Variants in ZDHHC7 observed in about 807,000 individuals in gnomAD.
ZDHHC7 encodes palmitoyltransferase ZDHHC7.
Under a neutral mutation model 34.1 loss-of-function variants are expected in ZDHHC7, and 12 were observed. The observed-to-expected ratio is 0.35, with a 90% CI of 0.23 to 0.57. The LOEUF is 0.57. ZDHHC7 is among the 20% of genes least tolerant of loss of function. The pLI, the probability that ZDHHC7 is intolerant of heterozygous loss-of-function variation, is 0.84. For missense variants in ZDHHC7, 388 were observed against 402.7 expected, an observed-to-expected ratio of 0.96 and a Z score of 0.31; for synonymous variants, 185 against 155.4, an observed-to-expected ratio of 1.19 and a Z score of -1.42.
chr16:85,023,547 A>C, the ZDHHC7 span, among the ~76,000 whole-genome samples: 1 of 152,240 alleles, frequency 6.6e-6, no homozygotes, highest in South Asian at 2.1e-4. Flanking sequence ...AAACACACAC[A>C]GAACTGGTGC....
the ZDHHC7 span, among the ~76,000 whole-genome samples, chr16:85,016,839 C>A: frequency 2.0e-5 from 3 of 152,084 alleles, no homozygotes; most frequent in Non-Finnish European, 4.4e-5. Flanking sequence ...TGTTTCTCAA[C>A]GGAAGTGATA....
rs920996324 is a variant in ZDHHC7, at chr16:84,980,480, G to A, written c.441-1195C>T. Among the ~76,000 whole-genome samples, 9 of 151,932 alleles carry A rather than the reference G, an allele frequency of 5.9e-5. No individual in the cohort carries two copies. In the South Asian group the frequency reaches 8.3e-4, roughly 14 times the overall value. ...AAGTCAGGAGTTCGAGACCAGCCTG[G>A]CCAATGTGGCAAAACCCCGTCTCTA... is the stretch of plus-strand genomic sequence containing the variant. On this transcript the variant is annotated intron_variant, in intron 4 of 7. Transcript: ENST00000313732.
chr16:85,002,015 A>G (rs116927982), intron 1 of ZDHHC7, among the ~76,000 whole-genome samples: 1,747 of 152,278 alleles, frequency 0.011, 25 homozygotes, highest in Non-Finnish European at 0.015. Flanking sequence ...TCATGGGGAC[A>G]GGTGGGCTCA....
upstream of ZDHHC7, among the ~76,000 whole-genome samples, chr16:85,013,039 C>G (rs74033907): frequency 4.8e-3 from 725 of 152,208 alleles, 9 homozygotes; most frequent in African/African-American, 0.016. Context: ...CCCTTTTCTG[C>G]CTAAAGGGCA....
At chr16:85,016,146 G>C (rs1191034944), upstream of ZDHHC7, among the ~76,000 whole-genome samples, 1 of 151,846 alleles carries the variant, frequency 6.6e-6, no homozygotes, top group African/African-American at 2.4e-5. Context: ...AGTTGGTTGG[G>C]GGGCTTAGAA....
chr16:84,989,163 G>A (rs2072475825), intron 3 of ZDHHC7, among the ~76,000 whole-genome samples: 1 of 152,204 alleles, frequency 6.6e-6, no homozygotes, highest in African/African-American at 2.4e-5. Flanking sequence ...AGGCTACAAA[G>A]CCACTGGCAG....
At chr16:85,019,440 G>A in the ZDHHC7 span, among the ~76,000 whole-genome samples, 2 of 152,146 alleles carry the variant, frequency 1.3e-5, no homozygotes, top group Non-Finnish European at 2.9e-5. Context: ...CATCTGGCCA[G>A]GTACGGTGGC....
In ZDHHC7 at chr16:84,979,056, T is replaced by C. The variant is rs1002422835; in HGVS notation, c.537+133A>G. On this transcript the variant is annotated intron_variant, in intron 5 of 7. Transcript: ENST00000313732. ...ACTTCCTGCCAATGACAGCACAGTATTATAATTTGAATCCTGGAGAAAAGG... is the reference window on the plus strand; with the variant it reads ...ACTTCCTGCCAATGACAGCACAGTACTATAATTTGAATCCTGGAGAAAAGG... 6 of 823,652 alleles carry C rather than the reference T, an allele frequency of 7.3e-6. No homozygotes were observed. The African/African-American group carries it at 1.0e-4, about 14-fold the overall frequency. The allele number at this position is 823,652 out of a possible 1,614,324, so 51.0% of individuals were successfully genotyped here. A position where few individuals can be genotyped will look rare whatever the true frequency, so the allele number is the denominator to read the frequency against.
the ZDHHC7 span, among the ~76,000 whole-genome samples, chr16:85,024,226 TTTTG>T: frequency 7.1e-6 from 1 of 140,986 alleles, no homozygotes; most frequent in Non-Finnish European, 1.5e-5. Context: ...TCTCAGAGTT[TTTTG>T]TTTTTTTTTT....
the ZDHHC7 span, among the ~76,000 whole-genome samples, chr16:85,017,426 G>T: frequency 6.6e-6 from 1 of 152,094 alleles, no homozygotes; most frequent in African/African-American, 2.4e-5. Context: ...TTGTTTAACT[G>T]CCCTGGACAA....
intron 2 of ZDHHC7, 44 bp from the exon 3 acceptor site, chr16:84,990,679 C>G: frequency 2.6e-6 from 4 of 1,511,614 alleles, no homozygotes; most frequent in Non-Finnish European, 3.6e-6. Flanking sequence ...TCAAAAAGCT[C>G]ACAAGCTACC....
the ZDHHC7 span, among the ~76,000 whole-genome samples, chr16:85,019,214 G>C: frequency 6.6e-6 from 1 of 152,130 alleles, no homozygotes; most frequent in Non-Finnish European, 1.5e-5. Flanking sequence ...TCCCTTCCCT[G>C]GTTTACTCCT....
chr16:84,979,337 G>A (rs1459165020), intron 4 of ZDHHC7, 52 bp from the exon 5 acceptor site: 4 of 1,573,414 alleles, frequency 2.5e-6, no homozygotes, highest in Non-Finnish European at 3.4e-6. Context: ...GGAAACCAGA[G>A]TAACACAACC....
chr16:85,000,556 C>G (rs1190297115), intron 1 of ZDHHC7, among the ~76,000 whole-genome samples: 1 of 152,180 alleles, frequency 6.6e-6, no homozygotes, highest in Non-Finnish European at 1.5e-5. Flanking sequence ...ACCCTAGAGT[C>G]TGGTATCCAT....
Position 84,985,870 on chromosome 16 carries a change from G to A in ZDHHC7, c.316-3876C>T, listed in dbSNP as rs1048127360. Among the ~76,000 whole-genome samples the A allele has an allele frequency of 4.8e-5, 7 of 144,720 alleles. No individual in the cohort carries two copies. In the East Asian group the frequency reaches 8.2e-4, roughly 17 times the overall value. 94.9% of individuals were successfully genotyped at this position (144,720 alleles called of 152,430 possible). A position where few individuals can be genotyped will look rare whatever the true frequency, so the allele number is the denominator to read the frequency against. ...CTCAGAAAGCTGAGGTGACAGAATC[G>A]CTTGAACCCAAGAGGCAACCGTTTC... is the stretch of plus-strand genomic sequence containing the variant. On this transcript the variant is annotated intron_variant, in intron 3 of 7. Coordinates refer to ENST00000313732, the MANE Select transcript of ZDHHC7 (RefSeq NM_017740.3).
In ZDHHC7 at chr16:84,988,741, C is replaced by A. The variant is rs967257167; in HGVS notation, c.315+1563G>T. 5.2e-6 allele frequency: 8 copies of A among 1,548,820 alleles called. No individual in the cohort carries two copies. The Admixed American group carries it at 5.9e-5, about 11-fold the overall frequency. On this transcript the variant is annotated intron_variant, in intron 3 of 7. Transcript: ENST00000313732. Reference sequence around the variant, plus strand: ...ACTCCCAGCCAGGCTGACCCTCCCCCATGTGCCTACCCCACACTCACAAGC... The same window carrying A: ...ACTCCCAGCCAGGCTGACCCTCCCCAATGTGCCTACCCCACACTCACAAGC...
chr16:85,026,693 A>G, the ZDHHC7 span, among the ~76,000 whole-genome samples: 1 of 151,732 alleles, frequency 6.6e-6, no homozygotes, highest in African/African-American at 2.4e-5. Context: ...TTTCTCCTGC[A>G]TAACTCCCGT....
Position 84,976,181 on chromosome 16 carries a change from G to T in ZDHHC7, c.*162C>A. The T allele has an allele frequency of 1.1e-6, 1 of 895,886 alleles. No homozygotes were observed. Among genetic ancestry groups the T allele is most frequent in the Non-Finnish European group, 1.7e-6 (1 of 597,500 alleles). 55.5% of individuals were successfully genotyped at this position (895,886 alleles called of 1,614,324 possible). On this transcript the variant is annotated 3_prime_UTR_variant, in exon 8 of 8. Coordinates refer to ENST00000313732, the MANE Select transcript of ZDHHC7 (RefSeq NM_017740.3). ...GTGGGGACTGAGAGCCTCTTCCTCT[G>T]CCATCTGTGACTATAAATATATAAA... is the stretch of plus-strand genomic sequence containing the variant.
At position 84,974,553 on chromosome 16, in the gene ZDHHC7, G is replaced by C. The variant is rs1274146174; in HGVS notation, c.*1790C>G. On this transcript the variant is annotated 3_prime_UTR_variant, in exon 8 of 8. Transcript: ENST00000313732. ...AAGTATACTTGATTTGCACACACTT[G>C]CCAAGTCTCACAGGATTCAACCACT... The C allele has an allele frequency of 6.6e-6, 1 of 152,642 alleles. No homozygotes were observed. The highest frequency in any genetic ancestry group is 1.5e-5 in the Non-Finnish European group (1 of 68,046). The allele number at this position is 152,642 out of a possible 1,614,324, so 9.5% of individuals were successfully genotyped here.
Sources: gnomAD v4.1 joint callset for allele counts (sites outside exome capture counted in the v4.1 genomes callset) on GRCh38, gnomAD v4.1.1 for gene constraint, MANE v1.5 for transcripts, NCBI Gene and HGNC (gene_info 2026-07-23, HGNC 2026-07-21) for gene names.